The following SH3RF3 variants were observed in gnomAD, a reference collection of about 807,000 sequenced individuals.
The protein encoded by SH3RF3 is E3 ubiquitin-protein ligase SH3RF3.
A neutral mutation model predicts 66.3 loss-of-function variants in SH3RF3; 29 were observed. The ratio of observed to expected loss-of-function variants is 0.44; its 90% CI spans 0.33 to 0.60. The LOEUF (loss-of-function observed/expected upper bound fraction) is 0.60. Among genes scored for constraint, SH3RF3 ranks in the 20% least tolerant of loss-of-function variants. The pLI is 0.04. For synonymous variants in SH3RF3, 583 were observed against 532.0 expected, an observed-to-expected ratio of 1.10 and a Z score of -1.32; for missense variants, 1,194 against 1,190.9, an observed-to-expected ratio of 1.00 and a Z score of -0.04.
intron 2 of SH3RF3, among the ~76,000 whole-genome samples, chr2:109,368,849 G>A (rs901468533): frequency 1.3e-5 from 2 of 152,076 alleles, no homozygotes; most frequent in Non-Finnish European, 2.9e-5. Context: ...TCTGATGTGT[G>A]GGAAGCCTTT....
At chr2:109,419,153 T>C (rs1465548748) in intron 4 of SH3RF3, among the ~76,000 whole-genome samples, 1 of 152,220 alleles carries the variant, frequency 6.6e-6, no homozygotes, top group African/African-American at 2.4e-5. Flanking sequence ...GGACGCTCTT[T>C]TTAAATAAGC....
chr2:109,470,883 C>G (rs1678484929), intron 8 of SH3RF3, among the ~76,000 whole-genome samples: 1 of 152,210 alleles, frequency 6.6e-6, no homozygotes, highest in South Asian at 2.1e-4. Context: ...TTGCCTGAGG[C>G]AGAGTCAGTG....
At chr2:109,335,934 C>G (rs1009010459) in intron 1 of SH3RF3, among the ~76,000 whole-genome samples, 1 of 152,146 alleles carries the variant, frequency 6.6e-6, no homozygotes, top group East Asian at 1.9e-4. Context: ...AAAAAAGACA[C>G]TTGGGGGCTG....
chr2:109,337,567 G>C (rs189478498), intron 1 of SH3RF3, among the ~76,000 whole-genome samples: 5 of 152,320 alleles, frequency 3.3e-5, no homozygotes, highest in Admixed American at 2.6e-4. Context: ...AGAGGTCTGT[G>C]GAGCTTCCCC....
chr2:109,249,821 T>C lies in SH3RF3; in HGVS notation c.574-97853T>C, dbSNP rs908349575. ...ACAGGCGCCCGCCACCGCGCCCGGC[T>C]AATTTTTTGTTTTATTTATTTATTT... On this transcript the variant is annotated intron_variant, in intron 1 of 9. Coordinates refer to ENST00000309415, the MANE Select transcript of SH3RF3 (RefSeq NM_001099289.3). 4.7e-5 allele frequency among the ~76,000 whole-genome samples: 7 copies of C among 149,278 alleles called. No homozygotes were observed. The East Asian group carries it at 1.4e-3, about 29-fold the overall frequency.
intron 4 of SH3RF3, among the ~76,000 whole-genome samples, chr2:109,400,168 A>G (rs1676266941): frequency 6.6e-6 from 1 of 152,186 alleles, no homozygotes; most frequent in East Asian, 1.9e-4. Flanking sequence ...GGGCCATGTA[A>G]TCTAGATGTG....
intron 8 of SH3RF3, among the ~76,000 whole-genome samples, chr2:109,490,045 G>A (rs1178343936): frequency 6.6e-6 from 1 of 152,148 alleles, no homozygotes; most frequent in Non-Finnish European, 1.5e-5. Flanking sequence ...GCCTGGATGA[G>A]CTCTTGGTCT....
At chr2:109,348,091 C>G in intron 2 of SH3RF3, 142 bp downstream of exon 2, 1 of 1,163,042 alleles carries the variant, frequency 8.6e-7, no homozygotes, top group Non-Finnish European at 1.2e-6. Context: ...GGGCAAATGA[C>G]CCAGCCTCCC....
chr2:109,253,120 C>T (rs1308453581), intron 1 of SH3RF3, among the ~76,000 whole-genome samples: 4 of 152,094 alleles, frequency 2.6e-5, no homozygotes, highest in Admixed American at 2.6e-4. Flanking sequence ...CTCCACCTCA[C>T]GAGTTCAAGT....
At chr2:109,260,464 C>T (rs1251664579) in intron 1 of SH3RF3, among the ~76,000 whole-genome samples, 1 of 152,210 alleles carries the variant, frequency 6.6e-6, no homozygotes. Context: ...ATCTGCCTCC[C>T]AGTGGCTGTA....
intron 1 of SH3RF3, among the ~76,000 whole-genome samples, chr2:109,196,625 C>A (rs188574267): frequency 3.3e-5 from 5 of 152,168 alleles, no homozygotes; most frequent in African/African-American, 1.2e-4. Flanking sequence ...AGTGCTGCTG[C>A]GCTGTGGTTG....
chr2:109,465,531 T>C (rs1320047143), intron 8 of SH3RF3, among the ~76,000 whole-genome samples: 1 of 152,246 alleles, frequency 6.6e-6, no homozygotes, highest in Non-Finnish European at 1.5e-5. Flanking sequence ...CTAATAGTTA[T>C]GTAGTGGTCT....
chr2:109,437,837 A>G (rs1222085535), intron 7 of SH3RF3, among the ~76,000 whole-genome samples: 1 of 152,214 alleles, frequency 6.6e-6, no homozygotes, highest in Non-Finnish European at 1.5e-5. Context: ...TGTTGAGCTA[A>G]TAAGAACTGC....
chr2:109,357,251 G>A (rs1470527184), intron 2 of SH3RF3, among the ~76,000 whole-genome samples: 2 of 151,282 alleles, frequency 1.3e-5, no homozygotes, highest in African/African-American at 2.4e-5. Flanking sequence ...GCACGATCTC[G>A]GCTTGCTGCA....
chr2:109,325,340 T>C (rs980383092), intron 1 of SH3RF3, among the ~76,000 whole-genome samples: 427 of 130,884 alleles, frequency 3.3e-3, no homozygotes, highest in African/African-American at 0.012. Context: ...TCTTTTTTTT[T>C]TTTTTTTTTT....
At chr2:109,204,496 A>G (rs1678760461) in intron 1 of SH3RF3, among the ~76,000 whole-genome samples, 1 of 152,170 alleles carries the variant, frequency 6.6e-6, no homozygotes, top group East Asian at 1.9e-4. Flanking sequence ...AATCTCCCTT[A>G]TTCTAGACTA....
chr2:109,462,647 G>A (rs1467276321), intron 8 of SH3RF3, among the ~76,000 whole-genome samples: 1 of 152,192 alleles, frequency 6.6e-6, no homozygotes, highest in African/African-American at 2.4e-5. Flanking sequence ...CAGGTTAGTG[G>A]CTTCCACTGG....
intron 8 of SH3RF3, among the ~76,000 whole-genome samples, chr2:109,481,194 G>A (rs904490625): frequency 5.9e-5 from 9 of 152,180 alleles, no homozygotes; most frequent in East Asian, 1.9e-4. Context: ...GGGGGAGGCC[G>A]GGGCCCTGCA....
Position 109,398,640 on chromosome 2 carries a change from C to T in SH3RF3, c.996C>T (p.Ala332=), listed in dbSNP as rs537361444. ...QLIEMDKPCP[A]AASSCNASLP... is the part of the protein sequence containing the mutation. ...TTGAGATGGACAAGCCATGCCCAGC[C>T]GCTGCATCCAGCTGCAATGCCTCCC... is the stretch of plus-strand genomic sequence containing the variant. Residue 332 remains alanine, a synonymous_variant, in exon 4 of 10, where the codon GCC becomes GCT. Coordinates refer to ENST00000309415, the MANE Select transcript of SH3RF3 (RefSeq NM_001099289.3). 2.6e-5 allele frequency: 42 copies of T among 1,599,412 alleles called. No homozygotes were observed. Among genetic ancestry groups the T allele is most frequent in the South Asian group, 1.9e-4 (17 of 88,244 alleles).
Sources: gnomAD v4.1 joint callset for allele counts (sites outside exome capture counted in the v4.1 genomes callset) on GRCh38, gnomAD v4.1.1 for gene constraint, MANE v1.5 for transcripts, NCBI Gene and HGNC (gene_info 2026-07-23, HGNC 2026-07-21) for gene names.